Variants in CCNG1 observed in about 807,000 individuals in gnomAD.
CCNG1 encodes cyclin G1.
Under a neutral mutation model 30.0 loss-of-function variants are expected in CCNG1, and 13 were observed. The observed-to-expected ratio is 0.43, with a 90% CI of 0.28 to 0.69. The LOEUF (loss-of-function observed/expected upper bound fraction) is 0.69. CCNG1 is among the 30% of genes least tolerant of loss of function. CCNG1 has a pLI of 0.16. For synonymous variants in CCNG1, 110 were observed against 121.5 expected (o/e 0.91, Z 0.62); for missense variants, 285 against 331.4 (o/e 0.86, Z 1.09).
At chr5:163,453,663 T>C in the CCNG1 span, 1 of 189,008 alleles carries the variant, frequency 5.3e-6, no homozygotes, top group Non-Finnish European at 1.1e-5. Flanking sequence ...TCACATGATC[T>C]ATACTCTAAT....
At chr5:163,454,178 G>A in the CCNG1 span, 1 of 452,064 alleles carries the variant, frequency 2.2e-6, no homozygotes, top group Non-Finnish European at 4.0e-6. Flanking sequence ...AGACTTCACT[G>A]TTACCACCAA....
chr5:163,438,281 TTCCTAACAACAATAA>T (rs1484214966), intron 1 of CCNG1, among the ~76,000 whole-genome samples: 1 of 151,706 alleles, frequency 6.6e-6, no homozygotes, highest in Non-Finnish European at 1.5e-5. Context: ...TAAGTTTCCT[TTCCTAACAACAATAA>T]AAGTTAAGTA....
the CCNG1 span, chr5:163,452,972 T>G: frequency 6.6e-6 from 1 of 152,206 alleles, no homozygotes; most frequent in African/African-American, 2.4e-5. Flanking sequence ...CAGTTCAATG[T>G]GAATGAAGTG....
intron 2 of CCNG1, among the ~76,000 whole-genome samples, chr5:163,439,942 C>T (rs1353197231): frequency 6.6e-6 from 1 of 151,936 alleles, no homozygotes; most frequent in East Asian, 1.9e-4. Flanking sequence ...ATGTTTTAGC[C>T]TTAGACCTAG....
chr5:163,455,069 G>A, the CCNG1 span, among the ~76,000 whole-genome samples: 1 of 151,828 alleles, frequency 6.6e-6, no homozygotes, highest in Non-Finnish European at 1.5e-5. Context: ...TATAAAACAG[G>A]TAGTGGGCCA....
In CCNG1 at chr5:163,441,098, G is replaced by C; in HGVS notation, c.285G>C (p.Gly95=). ...SKMKVQPKHL[G]CVGLSCFYLA... Reference sequence around the variant, plus strand: ...TTTAGGTACAGCCCAAGCACCTTGGGTGTGTTGGACTGAGCTGCTTTTATT... The same window carrying C: ...TTTAGGTACAGCCCAAGCACCTTGGCTGTGTTGGACTGAGCTGCTTTTATT... The change falls in exon 3 of 7, where the codon GGG becomes GGC. Residue 95 remains glycine (G), a synonymous_variant. Coordinates refer to ENST00000340828, the MANE Select transcript of CCNG1 (RefSeq NM_004060.4). The C allele has an allele frequency of 6.2e-7, 1 of 1,613,838 alleles. No individual in the cohort carries two copies. Among genetic ancestry groups the C allele is most frequent in the African/African-American group, 1.3e-5 (1 of 75,008 alleles).
chr5:163,447,052 T>C (rs1026201271), downstream of CCNG1: 8 of 152,180 alleles, frequency 5.3e-5, no homozygotes, highest in African/African-American at 1.9e-4. Flanking sequence ...AAAGTAGAGT[T>C]AGGAACAACC....
At chr5:163,440,320 T>C (rs369949908) in intron 2 of CCNG1, among the ~76,000 whole-genome samples, 1 of 152,220 alleles carries the variant, frequency 6.6e-6, no homozygotes, top group East Asian at 1.9e-4. Flanking sequence ...AAATGAATAA[T>C]ATACAGCTAT....
chr5:163,446,078 T>A (rs1306609137), downstream of CCNG1: 1 of 152,162 alleles, frequency 6.6e-6, no homozygotes, highest in Non-Finnish European at 1.5e-5. Flanking sequence ...ATGTTCAAAC[T>A]AACATCCTGT....
the CCNG1 span, chr5:163,451,435 T>C: frequency 6.6e-6 from 1 of 152,128 alleles, no homozygotes; most frequent in Non-Finnish European, 1.5e-5. Flanking sequence ...TTTACGGTGA[T>C]TGAACTCTTC....
chr5:163,448,567 T>C (rs1229688768), downstream of CCNG1: 1 of 152,182 alleles, frequency 6.6e-6, no homozygotes, highest in Admixed American at 6.5e-5. Context: ...TTTAAAGATA[T>C]AACAAATTCT....
At chr5:163,438,900 C>G (rs921772450) in intron 1 of CCNG1, among the ~76,000 whole-genome samples, 1 of 152,068 alleles carries the variant, frequency 6.6e-6, no homozygotes, top group Non-Finnish European at 1.5e-5. Flanking sequence ...GTGGCGCATG[C>G]CTGTAATCCC....
the CCNG1 span, chr5:163,452,529 A>AATAATGAGTTTATAG: frequency 5.8e-4 from 88 of 152,180 alleles, no homozygotes; most frequent in Non-Finnish European, 9.8e-4. Flanking sequence ...TAAAATAGAA[A>AATAATGAGTTTATAG]ATAATGAGTT....
At chr5:163,447,412 C>G (rs185209583), downstream of CCNG1, 64 of 146,266 alleles carry the variant, frequency 4.4e-4, no homozygotes, top group African/African-American at 1.6e-3. Flanking sequence ...GACAGAGTTG[C>G]TATGCTCCAG....
rs747141558 is a variant in CCNG1, at chr5:163,439,271, G to A, written c.15G>A (p.Leu5=). 1 of 1,613,216 alleles carries A rather than the reference G, an allele frequency of 6.2e-7. No individual in the cohort carries two copies. Among genetic ancestry groups the A allele is most frequent in the Non-Finnish European group, 8.5e-7 (1 of 1,179,946 alleles). ...TCTATATATAGATGATAGAGGTACTGACAACAACTGACTCTCAGAAACTGC... is the reference window on the plus strand; with the variant it reads ...TCTATATATAGATGATAGAGGTACTAACAACAACTGACTCTCAGAAACTGC... MIEV[L]TTTDSQKLLH... Residue 5 remains leucine (L), a synonymous_variant, in exon 2 of 7, where the codon CTG becomes CTA. Coordinates refer to ENST00000340828, the MANE Select transcript of CCNG1 (RefSeq NM_004060.4).
At chr5:163,445,620 A>ATTTTTTTTTTTTTTTTTTTTTTTTT (rs56065634), downstream of CCNG1, among the ~76,000 whole-genome samples, 1 of 107,986 alleles carries the variant, frequency 9.3e-6, no homozygotes, top group Non-Finnish European at 1.8e-5. Flanking sequence ...CACCCAGCTA[A>ATTTTTTTTTTTTTTTTTTTTTTTTT]TTTTTTTTTT....
intron 2 of CCNG1, chr5:163,439,741 A>G (rs1757712980): frequency 2.3e-6 from 1 of 428,970 alleles, no homozygotes; most frequent in African/African-American, 2.0e-5. Context: ...AATATCAAGT[A>G]ACAAATTGCA....
chr5:163,451,008 G>A (rs1758163065), downstream of CCNG1: 1 of 152,166 alleles, frequency 6.6e-6, no homozygotes, highest in Non-Finnish European at 1.5e-5. Flanking sequence ...AACCTCTTAA[G>A]ACATGTAAAG....
At chr5:163,456,804 T>C in the CCNG1 span, 1 of 784,850 alleles carries the variant, frequency 1.3e-6, no homozygotes, top group Non-Finnish European at 1.8e-6. Context: ...AACAATTCAC[T>C]TTAAAAATTC....
Sources: gnomAD v4.1 joint callset for allele counts (sites outside exome capture counted in the v4.1 genomes callset) on GRCh38, gnomAD v4.1.1 for gene constraint, MANE v1.5 for transcripts, NCBI Gene and HGNC (gene_info 2026-07-23, HGNC 2026-07-21) for gene names.